AKAP10: variants seen among roughly 807,000 people sequenced by gnomAD.
AKAP10 encodes A-kinase anchoring protein 10, also known as A-kinase anchor protein 10, mitochondrial.
A neutral mutation model predicts 80.8 loss-of-function variants in AKAP10; 24 were observed. The observed-to-expected ratio is 0.30, with a 90% confidence interval of 0.22 to 0.42. The LOEUF is 0.42. Ranked by LOEUF, AKAP10 falls within the 10% of genes least tolerant of loss-of-function variation. The pLI, the probability that AKAP10 is intolerant of heterozygous loss-of-function variation, is 1.00. For missense variants in AKAP10, 661 were observed against 794.9 expected, an observed-to-expected ratio of 0.83 and a Z score of 2.03; for synonymous variants, 291 against 277.7, an observed-to-expected ratio of 1.05 and a Z score of -0.48.
At chr17:19,970,615 G>T (rs1204811933) in intron 1 of AKAP10, among the ~76,000 whole-genome samples, 1 of 152,134 alleles carries the variant, frequency 6.6e-6, no homozygotes, top group African/African-American at 2.4e-5. Flanking sequence ...TTAAGGTCAG[G>T]AGTTCGAGAC....
chr17:19,943,191 T>C (rs567940984), intron 5 of AKAP10, among the ~76,000 whole-genome samples: 2 of 152,318 alleles, frequency 1.3e-5, no homozygotes, highest in Non-Finnish European at 1.5e-5. Flanking sequence ...AACTGGCCTT[T>C]AGCCAGTTTC....
intron 2 of AKAP10, among the ~76,000 whole-genome samples, chr17:19,966,714 A>C (rs1299754336): frequency 1.3e-5 from 2 of 152,226 alleles, no homozygotes; most frequent in East Asian, 3.8e-4. Flanking sequence ...CCCATTCAAC[A>C]AATGAAGAAT....
Position 19,941,004 on chromosome 17 carries a change from A to T in AKAP10, c.1068T>A (p.Phe356Leu). 4 of 1,600,696 alleles carry T rather than the reference A, an allele frequency of 2.5e-6. No individual in the cohort carries two copies. Among genetic ancestry groups the T allele is most frequent in the African/African-American group, 2.7e-5 (2 of 74,244 alleles). Residue 356 changes from phenylalanine (F) to leucine (L), a missense_variant, in exon 7 of 15, where the codon TTT becomes TTA. By Grantham distance (22) the Phe-to-Leu change is conservative (BLOSUM62 0). Coordinates refer to ENST00000225737, the MANE Select transcript of AKAP10 (RefSeq NM_007202.4). ...AATGGTGACTTCGCAGAAACTCACT[A>T]AAGTGCCTGCACATGGACAAAAGGG... ...IVFSAMEQEHFSEFLRSHHFC... is the reference protein window; with the variant it reads ...IVFSAMEQEHLSEFLRSHHFC...
chr17:19,974,008 G>GCCTGA (rs1226485691), intron 1 of AKAP10, among the ~76,000 whole-genome samples: 1 of 152,142 alleles, frequency 6.6e-6, no homozygotes, highest in African/African-American at 2.4e-5. Flanking sequence ...TACAAAACCA[G>GCCTGA]CCTGACCAAC....
chr17:19,938,211 G>A (rs2043013223), intron 8 of AKAP10, among the ~76,000 whole-genome samples: 1 of 149,480 alleles, frequency 6.7e-6, no homozygotes, highest in Non-Finnish European at 1.5e-5. Flanking sequence ...ACAGGTGTGA[G>A]CCACCGGTAC....
chr17:19,919,960 C>T (rs2042792280), intron 12 of AKAP10, 76 bp downstream of exon 12: 1 of 1,272,580 alleles, frequency 7.9e-7, no homozygotes, highest in Non-Finnish European at 1.1e-6. Context: ...CAGTTTAAAC[C>T]TTAAGTGGTC....
At chr17:19,918,506 G>C (rs1054671161) in intron 12 of AKAP10, among the ~76,000 whole-genome samples, 2 of 152,194 alleles carry the variant, frequency 1.3e-5, no homozygotes, top group African/African-American at 4.8e-5. Context: ...TAATTTAGTA[G>C]AGACAGGGTT....
At chr17:19,971,545 C>G (rs933797681) in intron 1 of AKAP10, among the ~76,000 whole-genome samples, 4 of 152,038 alleles carry the variant, frequency 2.6e-5, no homozygotes, top group African/African-American at 7.2e-5. Context: ...AAATGACACT[C>G]TATACATATC....
At chr17:19,956,390 CAAAG>C (rs1417664602) in intron 4 of AKAP10, among the ~76,000 whole-genome samples, 24 of 151,952 alleles carry the variant, frequency 1.6e-4, no homozygotes, top group Non-Finnish European at 4.4e-5. Flanking sequence ...TCCGAAGAAA[CAAAG>C]AAATGCTGAG....
At chr17:19,916,682 A>G (rs774254814) in intron 12 of AKAP10, among the ~76,000 whole-genome samples, 49 of 151,566 alleles carry the variant, frequency 3.2e-4, no homozygotes, top group Non-Finnish European at 3.8e-4. Context: ...TCACACCTGT[A>G]ATCCCAGCAC....
chr17:19,919,915 AG>A, intron 12 of AKAP10, 120 bp downstream of exon 12: 1 of 736,724 alleles, frequency 1.4e-6, no homozygotes, highest in Non-Finnish European at 2.2e-6. Flanking sequence ...TATAAACACA[AG>A]GTGAAAGATA....
chr17:19,965,930 G>C (rs2043412585), intron 2 of AKAP10, among the ~76,000 whole-genome samples: 2 of 151,344 alleles, frequency 1.3e-5, no homozygotes, highest in Admixed American at 6.6e-5. Context: ...TCATTTTAGA[G>C]ATGAAGACAA....
intron 11 of AKAP10, among the ~76,000 whole-genome samples, chr17:19,921,628 G>A (rs61612850): frequency 0.019 from 2,884 of 151,780 alleles, 77 homozygotes; most frequent in African/African-American, 0.065. Flanking sequence ...TTGAGCCTAG[G>A]AGTTTGAGAC....
At chr17:19,962,642 T>G (rs375837391) in intron 3 of AKAP10, among the ~76,000 whole-genome samples, 198 bp downstream of exon 3, 3 of 152,196 alleles carry the variant, frequency 2.0e-5, no homozygotes, top group African/African-American at 7.2e-5. Flanking sequence ...GAAATGCTTG[T>G]TTTTCTACTG....
chr17:19,925,680 AACAG>A (rs1408484746), intron 10 of AKAP10, among the ~76,000 whole-genome samples: 1 of 152,208 alleles, frequency 6.6e-6, no homozygotes, highest in Admixed American at 6.5e-5. Context: ...AAAATAATTG[AACAG>A]ACACTTATAG....
chr17:19,907,511 G>A (rs203464), intron 14 of AKAP10, among the ~76,000 whole-genome samples: 42,265 of 148,596 alleles, frequency 0.28, 6,409 homozygotes, highest in African/African-American at 0.38. Flanking sequence ...TCCACCTCCC[G>A]GGTTCAAGTG....
At chr17:19,952,485 A>C (rs1597516725) in intron 4 of AKAP10, among the ~76,000 whole-genome samples, 2 of 151,622 alleles carry the variant, frequency 1.3e-5, no homozygotes, top group Middle Eastern at 6.8e-3. Flanking sequence ...TAAATAAATA[A>C]ATAAATAAAT....
intron 4 of AKAP10, among the ~76,000 whole-genome samples, chr17:19,949,472 A>C (rs2043173552): frequency 6.6e-6 from 1 of 152,170 alleles, no homozygotes; most frequent in Non-Finnish European, 1.5e-5. Context: ...GCAATGTCAA[A>C]AAAATATTTA....
rs906378952 is a variant in AKAP10 at position 19,970,361 on chromosome 17, T to C, written c.89-1900A>G. Among the ~76,000 whole-genome samples the C allele has an allele frequency of 7.2e-5, 11 of 152,304 alleles. No homozygotes were observed. In the South Asian group the frequency reaches 1.7e-3, roughly 23 times the overall value. On this transcript the variant is annotated intron_variant, in intron 1 of 14. Transcript: ENST00000225737. ...ACCACCTAAAAACATTCTCCTACTA[T>C]CAATCAGATCTCCTATGTTATACTT...
Sources: allele counts gnomAD v4.1 joint callset (sites outside exome capture counted in the v4.1 genomes callset), GRCh38; gene constraint gnomAD v4.1.1; transcripts MANE v1.5; gene names NCBI Gene and HGNC (gene_info 2026-07-23, HGNC 2026-07-21).